The following CACNG5 variants were observed in gnomAD, a reference collection of about 807,000 sequenced individuals.
The protein encoded by CACNG5 is voltage-dependent calcium channel gamma-5 subunit.
In CACNG5, 18 loss-of-function variants were observed where a neutral mutation model predicts 24.8. The ratio of observed to expected loss-of-function variants is 0.73; its 90% CI spans 0.50 to 1.08. The LOEUF (loss-of-function observed/expected upper bound fraction) is 1.08. Among genes scored for constraint, CACNG5 ranks in the 50% least tolerant of loss-of-function variants. The pLI is 0.00. For missense variants in CACNG5, 349 were observed against 367.9 expected, an observed-to-expected ratio of 0.95 and a Z score of 0.42; for synonymous variants, 157 against 149.1, an observed-to-expected ratio of 1.05 and a Z score of -0.39.
intron 1 of CACNG5, among the ~76,000 whole-genome samples, chr17:66,860,256 C>T (rs1414186814): frequency 2.6e-5 from 4 of 152,166 alleles, no homozygotes; most frequent in Non-Finnish European, 5.9e-5. Context: ...AAGCAAAAAG[C>T]TTTACCATTC....
chr17:66,851,756 T>C (rs530441560), intron 1 of CACNG5, among the ~76,000 whole-genome samples: 2 of 152,178 alleles, frequency 1.3e-5, no homozygotes, highest in Non-Finnish European at 2.9e-5. Flanking sequence ...CAAAATGATA[T>C]GTGGGATAAT....
In CACNG5 at chr17:66,863,176, A is replaced by C. The variant is rs186028890; in HGVS notation, c.-103-14054A>C. The stretch of plus-strand genomic sequence containing the variant: ...TAAGCTAACTTTGCTTTACCCAACA[A>C]GTTTTGATAAGTTATGTGTCTATCA... On this transcript the variant is annotated intron_variant, in intron 1 of 5. Coordinates refer to ENST00000533854, the MANE Select transcript of CACNG5 (RefSeq NM_145811.3). 9.9e-5 allele frequency among the ~76,000 whole-genome samples: 15 copies of C among 152,178 alleles called. 1 individual carries two copies. The highest frequency in any genetic ancestry group is 3.9e-4 in the Admixed American group (6 of 15,272).
At chr17:66,859,721 C>G (rs1486123999) in intron 1 of CACNG5, among the ~76,000 whole-genome samples, 2 of 152,146 alleles carry the variant, frequency 1.3e-5, no homozygotes, top group Non-Finnish European at 2.9e-5. Flanking sequence ...AATACATTTT[C>G]TCTTGAAACA....
At chr17:66,863,438 C>T (rs1976891433) in intron 1 of CACNG5, among the ~76,000 whole-genome samples, 1 of 152,100 alleles carries the variant, frequency 6.6e-6, no homozygotes, top group Non-Finnish European at 1.5e-5. Flanking sequence ...ACCATCTTGG[C>T]TCACTGCAAC....
At position 66,842,934 on chromosome 17, in the gene CACNG5, C is replaced by T. The variant is rs7216026; in HGVS notation, c.-104+7684C>T. On this transcript the variant is annotated intron_variant, in intron 1 of 5. Transcript: ENST00000533854. Reference sequence around the variant, plus strand: ...CCAGTGGGCAAGTGGGACAGATGGCCTATGAGTTGGCTGAGTAATTTTCTA... The same window carrying T: ...CCAGTGGGCAAGTGGGACAGATGGCTTATGAGTTGGCTGAGTAATTTTCTA... Among the ~76,000 whole-genome samples, 770 of 152,284 alleles carry T rather than the reference C, an allele frequency of 5.1e-3. 8 individuals are homozygous for T. The highest frequency in any genetic ancestry group is 0.018 in the African/African-American group (732 of 41,550).
At chr17:66,854,208 T>C (rs1976741701) in intron 1 of CACNG5, among the ~76,000 whole-genome samples, 1 of 152,114 alleles carries the variant, frequency 6.6e-6, no homozygotes, top group Non-Finnish European at 1.5e-5. Flanking sequence ...GGCGGGTGGA[T>C]CACAAGGTCA....
intron 1 of CACNG5, among the ~76,000 whole-genome samples, chr17:66,845,345 TG>T (rs1365629268): frequency 6.6e-6 from 1 of 151,764 alleles, no homozygotes; most frequent in Non-Finnish European, 1.5e-5. Flanking sequence ...CTAATGCATA[TG>T]GGGCTTAAAC....
In CACNG5 at chr17:66,882,855, C is replaced by T. The variant is rs574282188; in HGVS notation, c.425-1661C>T. Among the ~76,000 whole-genome samples, 178 of 152,138 alleles carry T rather than the reference C, an allele frequency of 1.2e-3. 1 individual carries two copies. Among genetic ancestry groups the T allele is most frequent in the African/African-American group, 3.9e-3 (163 of 41,488 alleles). On this transcript the variant is annotated intron_variant, in intron 4 of 5. Coordinates refer to ENST00000533854, the MANE Select transcript of CACNG5 (RefSeq NM_145811.3). ...CCTGAGTAATTTTAGGATCCTTTTCCCAATATTTTCTTGTCAACGTAGCTT... is the reference window on the plus strand; with the variant it reads ...CCTGAGTAATTTTAGGATCCTTTTCTCAATATTTTCTTGTCAACGTAGCTT...
chr17:66,881,512 TG>T (rs1977157478), intron 4 of CACNG5, among the ~76,000 whole-genome samples: 1 of 152,232 alleles, frequency 6.6e-6, no homozygotes, highest in Non-Finnish European at 1.5e-5. Context: ...CTTGTCTTCC[TG>T]GACTGATGCC....
In CACNG5 at chr17:66,892,343, T is replaced by C. The variant is rs1168794023; in HGVS notation, c.*7103T>C. 1.3e-5 allele frequency among the ~76,000 whole-genome samples: 2 copies of C among 152,222 alleles called. No homozygotes were observed. The highest frequency in any genetic ancestry group is 2.1e-4 in the South Asian group (1 of 4,834). ...TATTCACTGGTATGCAGCTAGAGCC[T>C]GCCCCTGGAAAGAGGATAGAGAACA... On this transcript the variant is annotated 3_prime_UTR_variant, in exon 6 of 6. Coordinates refer to ENST00000533854, the MANE Select transcript of CACNG5 (RefSeq NM_145811.3).
rs1377699785 is a variant in CACNG5, at chr17:66,891,130, G to A, written c.*5890G>A. Among the ~76,000 whole-genome samples, 1 of 152,126 alleles carries A rather than the reference G, an allele frequency of 6.6e-6. No individual in the cohort carries two copies. The highest frequency in any genetic ancestry group is 1.5e-5 in the Non-Finnish European group (1 of 68,034). Reference sequence around the variant, plus strand: ...CAACAGCTTCAGAGGGAAGAGAAGGGTGGTCTTTTTCTCTATGTTTTTCTA... The same window carrying A: ...CAACAGCTTCAGAGGGAAGAGAAGGATGGTCTTTTTCTCTATGTTTTTCTA... On this transcript the variant is annotated 3_prime_UTR_variant, in exon 6 of 6. Transcript: ENST00000533854.
intron 1 of CACNG5, among the ~76,000 whole-genome samples, chr17:66,876,104 G>A (rs987874224): frequency 2.0e-5 from 3 of 152,250 alleles, no homozygotes; most frequent in Non-Finnish European, 4.4e-5. Context: ...AGGCCAGAGA[G>A]TCTACTTTTC....
intron 1 of CACNG5, among the ~76,000 whole-genome samples, chr17:66,835,694 G>C (rs982142887): frequency 6.6e-6 from 1 of 152,180 alleles, no homozygotes; most frequent in Non-Finnish European, 1.5e-5. Flanking sequence ...GCTTATCACA[G>C]CCTGCAGGGT....
At position 66,890,493 on chromosome 17, in the gene CACNG5, T is replaced by A. The variant is rs1977327843; in HGVS notation, c.*5253T>A. On this transcript the variant is annotated 3_prime_UTR_variant, in exon 6 of 6. Coordinates refer to ENST00000533854, the MANE Select transcript of CACNG5 (RefSeq NM_145811.3). ...GGAGTCTCACATCCCTGAACCAGGA[T>A]CCTGGACCTCTGCTCTGTGACCTTG... is the stretch of plus-strand genomic sequence containing the variant. Among the ~76,000 whole-genome samples, 1 of 152,232 alleles carries A rather than the reference T, an allele frequency of 6.6e-6. No homozygotes were observed. The highest frequency in any genetic ancestry group is 6.5e-5 in the Admixed American group (1 of 15,288).
chr17:66,846,427 T>C (rs1976638593), intron 1 of CACNG5, among the ~76,000 whole-genome samples: 1 of 152,236 alleles, frequency 6.6e-6, no homozygotes, highest in Non-Finnish European at 1.5e-5. Flanking sequence ...ATCTGCTTTC[T>C]GTCCCTCTAG....
At chr17:66,849,020 G>C (rs902418279) in intron 1 of CACNG5, among the ~76,000 whole-genome samples, 2 of 152,134 alleles carry the variant, frequency 1.3e-5, no homozygotes, top group African/African-American at 4.8e-5. Flanking sequence ...TTGAGTGCTT[G>C]TTGTCAGCCC....
In CACNG5 at chr17:66,877,512, G is replaced by T. The variant is rs966736022; in HGVS notation, c.180G>T (p.Arg60=). The T allele has an allele frequency of 1.2e-6, 2 of 1,613,616 alleles. No homozygotes were observed. The highest frequency in any genetic ancestry group is 1.3e-5 in the African/African-American group (1 of 74,856). The change falls in exon 2 of 6, where the codon CGG becomes CGT. Residue 60 remains arginine, a synonymous_variant. Coordinates refer to ENST00000533854, the MANE Select transcript of CACNG5 (RefSeq NM_145811.3). ...IKMSLHSGLW[R]VCFLAGEERG... is the part of the protein sequence containing the mutation. The stretch of plus-strand genomic sequence containing the variant: ...TGTCCCTGCACTCAGGCCTCTGGCG[G>T]GTCTGCTTCCTTGCAGGTAAGGGTG...
chr17:66,869,285 A>G (rs1976970387), intron 1 of CACNG5, among the ~76,000 whole-genome samples: 1 of 151,970 alleles, frequency 6.6e-6, no homozygotes, highest in Admixed American at 6.6e-5. Context: ...GATTTCACCA[A>G]GTTGGCCAGG....
At chr17:66,863,127 C>T (rs1976887529) in intron 1 of CACNG5, among the ~76,000 whole-genome samples, 1 of 151,622 alleles carries the variant, frequency 6.6e-6, no homozygotes, top group Non-Finnish European at 1.5e-5. Context: ...CTAATATATG[C>T]TCTTAAGGTT....
Sources: gnomAD v4.1 joint callset for allele counts (sites outside exome capture counted in the v4.1 genomes callset) on GRCh38, gnomAD v4.1.1 for gene constraint, MANE v1.5 for transcripts, NCBI Gene and HGNC (gene_info 2026-07-23, HGNC 2026-07-21) for gene names.